SLC38A11: variants seen among roughly 807,000 people sequenced by gnomAD.
SLC38A11 encodes putative sodium-coupled neutral amino acid transporter 11.
A neutral mutation model predicts 49.4 loss-of-function variants in SLC38A11; 51 were observed. The ratio of observed to expected loss-of-function variants is 1.03; its 90% CI spans 0.83 to 1.30. The LOEUF (loss-of-function observed/expected upper bound fraction) is 1.30, where lower values mean the gene tolerates loss of function less well. SLC38A11 is among the 50% of genes most tolerant of loss of function. The probability of loss-of-function intolerance (pLI) is 0.00; values close to 1 mark genes in which losing one functional copy is unlikely to be tolerated. For synonymous variants in SLC38A11, 203 were observed against 192.9 expected, an observed-to-expected ratio of 1.05 and a Z score of -0.43; for missense variants, 574 against 556.2, an observed-to-expected ratio of 1.03 and a Z score of -0.32.
At chr2:164,949,325 T>C (rs1399421061) in intron 3 of SLC38A11, among the ~76,000 whole-genome samples, 1 of 152,180 alleles carries the variant, frequency 6.6e-6, no homozygotes, top group Non-Finnish European at 1.5e-5. Context: ...CTCAGCTCAC[T>C]GCAACCTCTG....
At chr2:164,953,508 T>A (rs552523083) in intron 2 of SLC38A11, among the ~76,000 whole-genome samples, 1 of 152,318 alleles carries the variant, frequency 6.6e-6, no homozygotes, top group Admixed American at 6.5e-5. Flanking sequence ...ACATCAGGAA[T>A]TAGCTCTAGA....
intron 9 of SLC38A11, chr2:164,912,250 A>T (rs922379117): frequency 6.6e-6 from 1 of 152,146 alleles, no homozygotes; most frequent in Non-Finnish European, 1.5e-5. Context: ...TTAAACCAGT[A>T]CATGCTACAT....
At chr2:164,940,228 TTATATATATA>T (rs5836006) in intron 5 of SLC38A11, among the ~76,000 whole-genome samples, 97,010 of 142,130 alleles carry the variant, frequency 0.68, 33,423 homozygotes, top group East Asian at 0.95. Context: ...ATAGAAAATT[TTATATATATA>T]TATATATATA....
At chr2:164,937,986 C>T (rs1687493067) in intron 6 of SLC38A11, among the ~76,000 whole-genome samples, 1 of 151,862 alleles carries the variant, frequency 6.6e-6, no homozygotes, top group South Asian at 2.1e-4. Context: ...GCCTGTTTTG[C>T]TTCTTCCTCT....
intron 5 of SLC38A11, among the ~76,000 whole-genome samples, chr2:164,943,679 A>AC: frequency 6.6e-6 from 1 of 152,202 alleles, no homozygotes; most frequent in African/African-American, 2.4e-5. Context: ...ATTTTTAGAG[A>AC]CAGAATCTCT....
chr2:164,939,251 A>G (rs1401970355), intron 6 of SLC38A11, among the ~76,000 whole-genome samples, 199 bp downstream of exon 6: 1 of 152,094 alleles, frequency 6.6e-6, no homozygotes, highest in African/African-American at 2.4e-5. Context: ...GGAAGAATAT[A>G]TTTAGTTAAT....
chr2:164,947,183 G>A (rs1289778714), intron 3 of SLC38A11, among the ~76,000 whole-genome samples: 1 of 128,798 alleles, frequency 7.8e-6, no homozygotes, highest in Non-Finnish European at 1.6e-5. Context: ...CCAGATTGGA[G>A]TGCAGTGGTG....
chr2:164,936,052 A>G (rs1307060148), intron 7 of SLC38A11, among the ~76,000 whole-genome samples: 1 of 152,182 alleles, frequency 6.6e-6, no homozygotes, highest in Non-Finnish European at 1.5e-5. Context: ...CCTTTCTGTC[A>G]TTTAACAATA....
chr2:164,912,605 G>C (rs975101994), intron 9 of SLC38A11, among the ~76,000 whole-genome samples: 1 of 151,954 alleles, frequency 6.6e-6, no homozygotes, highest in Non-Finnish European at 1.5e-5. Flanking sequence ...CCCAACCTTG[G>C]GGCCACAGCG....
intron 4 of SLC38A11, among the ~76,000 whole-genome samples, chr2:164,945,359 C>T (rs571728724): frequency 6.6e-6 from 1 of 151,082 alleles, no homozygotes; most frequent in African/African-American, 2.4e-5. Context: ...TACAGAAAGC[C>T]CAAACATTAA....
In SLC38A11 at chr2:164,897,789, A is replaced by T. The variant is rs1219608857; in HGVS notation, c.*648T>A. On this transcript the variant is annotated 3_prime_UTR_variant, in exon 12 of 12. Coordinates refer to ENST00000685975, the MANE Select transcript of SLC38A11 (RefSeq NM_001351537.2). ...TGTTTTTCTGTTTTAGAATGGTGCT[A>T]CCATTGTATTCCCACAGCATCAGAA... 3 of 152,126 alleles carry T rather than the reference A, an allele frequency of 2.0e-5. No individual in the cohort carries two copies. Among genetic ancestry groups the T allele is most frequent in the African/African-American group, 7.3e-5 (3 of 41,376 alleles). 9.4% of individuals were successfully genotyped at this position (152,126 alleles called of 1,614,324 possible).
At chr2:164,928,293 A>G (rs1392193678) in intron 7 of SLC38A11, among the ~76,000 whole-genome samples, 1 of 152,214 alleles carries the variant, frequency 6.6e-6, no homozygotes. Context: ...GCATGAAAGT[A>G]GCCTTAGGCA....
intron 8 of SLC38A11, chr2:164,915,650 CA>C (rs1685730272): frequency 2.2e-6 from 1 of 447,190 alleles, no homozygotes; most frequent in South Asian, 6.0e-5. Context: ...GCTAGCCTTC[CA>C]AGTTAAGAAA....
chr2:164,924,672 T>G (rs1027443426), intron 7 of SLC38A11, among the ~76,000 whole-genome samples: 4 of 152,104 alleles, frequency 2.6e-5, no homozygotes, highest in African/African-American at 7.2e-5. Flanking sequence ...GATTTCTAGT[T>G]AAAATTTACA....
At chr2:164,948,181 A>T (rs1433590274) in intron 3 of SLC38A11, among the ~76,000 whole-genome samples, 1 of 152,194 alleles carries the variant, frequency 6.6e-6, no homozygotes, top group Non-Finnish European at 1.5e-5. Context: ...TATGGTGTTT[A>T]ATGTCCACCA....
At chr2:164,903,968 A>G (rs1246636611) in intron 11 of SLC38A11, among the ~76,000 whole-genome samples, 1 of 152,202 alleles carries the variant, frequency 6.6e-6, no homozygotes, top group Non-Finnish European at 1.5e-5. Context: ...TTAAATTTCT[A>G]CTTTGTAATT....
intron 7 of SLC38A11, among the ~76,000 whole-genome samples, chr2:164,918,934 T>C (rs918277352): frequency 2.0e-5 from 3 of 152,134 alleles, no homozygotes; most frequent in African/African-American, 7.2e-5. Flanking sequence ...ATATACCATA[T>C]CCATACACAC....
At chr2:164,904,742 C>T (rs1298603135) in intron 11 of SLC38A11, among the ~76,000 whole-genome samples, 4 of 152,044 alleles carry the variant, frequency 2.6e-5, no homozygotes, top group Admixed American at 1.3e-4. Flanking sequence ...ATGTTTTAAC[C>T]CATTATTAAA....
intron 7 of SLC38A11, among the ~76,000 whole-genome samples, chr2:164,933,952 T>C (rs1289489713): frequency 6.6e-6 from 1 of 152,144 alleles, no homozygotes. Context: ...AAATAATCCT[T>C]GCTATTACAT....
Sources: gnomAD v4.1 joint callset for allele counts (sites outside exome capture counted in the v4.1 genomes callset) on GRCh38, gnomAD v4.1.1 for gene constraint, MANE v1.5 for transcripts, NCBI Gene and HGNC (gene_info 2026-07-23, HGNC 2026-07-21) for gene names.